The following RAB8B variants were observed in gnomAD, a reference collection of about 807,000 sequenced individuals.
The protein encoded by RAB8B is ras-related protein Rab-8B.
RAB8B carries 11 observed loss-of-function variants against 32.0 expected under a neutral mutation model. The observed-to-expected ratio is 0.34, with a 90% confidence interval of 0.22 to 0.57. The LOEUF is 0.57. Ranked by LOEUF, RAB8B falls within the 20% of genes least tolerant of loss-of-function variation. The pLI, the probability that RAB8B is intolerant of heterozygous loss-of-function variation, is 0.86. For missense variants in RAB8B, 190 were observed against 258.5 expected (o/e 0.73, Z 1.82); for synonymous variants, 103 against 89.6 (o/e 1.15, Z -0.85).
intron 1 of RAB8B, among the ~76,000 whole-genome samples, chr15:63,210,224 G>T (rs2037735979): frequency 6.6e-6 from 1 of 152,122 alleles, no homozygotes; most frequent in African/African-American, 2.4e-5. Context: ...TTTTTCCCCA[G>T]GTAAGAGGCT....
chr15:63,202,947 T>C (rs1324884047), intron 1 of RAB8B, among the ~76,000 whole-genome samples: 1 of 152,222 alleles, frequency 6.6e-6, no homozygotes, highest in Non-Finnish European at 1.5e-5. Context: ...GCTTGCCTCA[T>C]AGGGAAGTCT....
At chr15:63,220,810 T>C (rs1040353023) in intron 1 of RAB8B, among the ~76,000 whole-genome samples, 1 of 152,204 alleles carries the variant, frequency 6.6e-6, no homozygotes, top group African/African-American at 2.4e-5. Context: ...GTACTGTAAG[T>C]AAAAGATGAG....
intron 1 of RAB8B, among the ~76,000 whole-genome samples, chr15:63,199,240 C>T (rs2037628015): frequency 6.6e-6 from 1 of 152,196 alleles, no homozygotes; most frequent in African/African-American, 2.4e-5. Flanking sequence ...GGTTCAGTCT[C>T]TTTTTGCTTT....
Position 63,259,372 on chromosome 15 carries a change from G to C in RAB8B, c.415-255G>C, listed in dbSNP as rs1380105461. On this transcript the variant is annotated intron_variant, in intron 5 of 7. Transcript: ENST00000321437. This position sits in a 1 kb window ranked among gnomAD's most constrained non-coding sequence, Gnocchi z 4.4. ...CTGACCTCGTGATCCGTCTGCCTCG[G>C]CCTCCCAAAGTGCGTGAGCCACCAT... 2.6e-5 allele frequency among the ~76,000 whole-genome samples: 4 copies of C among 152,054 alleles called. No individual in the cohort carries two copies. The highest frequency in any genetic ancestry group is 9.7e-5 in the African/African-American group (4 of 41,406).
chr15:63,222,942 G>T, intron 1 of RAB8B: 1 of 369,614 alleles, frequency 2.7e-6, no homozygotes, highest in Non-Finnish European at 5.3e-6. Context: ...ATATAATTTT[G>T]GTGTAGCTTA....
At chr15:63,207,464 GA>G (rs2037708124) in intron 1 of RAB8B, among the ~76,000 whole-genome samples, 1 of 151,858 alleles carries the variant, frequency 6.6e-6, no homozygotes, top group Non-Finnish European at 1.5e-5. Flanking sequence ...ACCCTTTCAT[GA>G]ATTGTCATAT....
chr15:63,222,833 G>T (rs1188591137), intron 1 of RAB8B, among the ~76,000 whole-genome samples: 1 of 152,178 alleles, frequency 6.6e-6, no homozygotes, highest in Non-Finnish European at 1.5e-5. Context: ...GAGCCACCAT[G>T]CCCGGCCCAC....
chr15:63,219,980 C>A (rs968758009), intron 1 of RAB8B, among the ~76,000 whole-genome samples: 2 of 152,218 alleles, frequency 1.3e-5, no homozygotes, highest in Admixed American at 1.3e-4. Flanking sequence ...AACGTAGAGA[C>A]ATCCACAACA....
In RAB8B at chr15:63,235,022, G is replaced by C. The variant is rs550261070; in HGVS notation, c.125-9734G>C. Among the ~76,000 whole-genome samples, 7 of 152,248 alleles carry C rather than the reference G, an allele frequency of 4.6e-5. No homozygotes were observed. The South Asian group carries it at 1.0e-3, about 23-fold the overall frequency. On this transcript the variant is annotated intron_variant, in intron 1 of 7. Transcript: ENST00000321437. Reference sequence around the variant, plus strand: ...CCTTGCCACCCCACTTCCCTGCTCTGCCCCTCACTTTCTGAACTTGATCCA... The same window carrying C: ...CCTTGCCACCCCACTTCCCTGCTCTCCCCCTCACTTTCTGAACTTGATCCA...
chr15:63,215,200 C>A (rs1052846116), intron 1 of RAB8B, among the ~76,000 whole-genome samples: 3 of 152,234 alleles, frequency 2.0e-5, no homozygotes, highest in Non-Finnish European at 4.4e-5. Flanking sequence ...TTTTGCCTTT[C>A]CTGCATCTGA....
chr15:63,211,734 G>T (rs1174945939), intron 1 of RAB8B, among the ~76,000 whole-genome samples: 1 of 152,132 alleles, frequency 6.6e-6, no homozygotes, highest in Non-Finnish European at 1.5e-5. Flanking sequence ...ATTGCAACTA[G>T]TGACTGGTCA....
chr15:63,256,418 T>C, intron 4 of RAB8B, 87 bp from the exon 5 acceptor site: 2 of 907,220 alleles, frequency 2.2e-6, no homozygotes, highest in Non-Finnish European at 3.4e-6. Flanking sequence ...CTTATTAAAT[T>C]CATGTGTTTC....
intron 3 of RAB8B, among the ~76,000 whole-genome samples, chr15:63,252,122 T>C (rs1264858952): frequency 6.6e-6 from 1 of 151,846 alleles, no homozygotes; most frequent in Non-Finnish European, 1.5e-5. Flanking sequence ...TGTAGATATA[T>C]ACTAGATACA....
chr15:63,195,918 T>G (rs964307202), intron 1 of RAB8B, among the ~76,000 whole-genome samples: 2 of 152,180 alleles, frequency 1.3e-5, no homozygotes, highest in African/African-American at 4.8e-5. Context: ...TGTAGATTCT[T>G]ACTACCTAGG....
intron 1 of RAB8B, among the ~76,000 whole-genome samples, chr15:63,237,035 T>C (rs1567017126): frequency 6.6e-6 from 1 of 152,240 alleles, no homozygotes; most frequent in Non-Finnish European, 1.5e-5. Context: ...TCACTTAATA[T>C]AATGACCTCC....
rs1174537795 is a variant in RAB8B, at chr15:63,251,921, G to T, written c.246+2216G>T. Among the ~76,000 whole-genome samples the T allele has an allele frequency of 2.6e-5, 4 of 152,202 alleles. No individual in the cohort carries two copies. The East Asian group carries it at 7.7e-4, about 29-fold the overall frequency. ...GGTTTAGTTTGGCTGATTCAGGTAT[G>T]TGGCATGTTGACAAGCACTATACTG... On this transcript the variant is annotated intron_variant, in intron 3 of 7. Transcript: ENST00000321437.
At chr15:63,242,700 G>C (rs928312140) in intron 1 of RAB8B, among the ~76,000 whole-genome samples, 5 of 151,892 alleles carry the variant, frequency 3.3e-5, no homozygotes, top group African/African-American at 1.2e-4. Context: ...AAACAAAACT[G>C]GAGTTAATGT....
chr15:63,250,508 A>C (rs2038109141), intron 3 of RAB8B, among the ~76,000 whole-genome samples: 1 of 152,094 alleles, frequency 6.6e-6, no homozygotes, highest in Admixed American at 6.6e-5. Context: ...TATTTGCTGA[A>C]TCCAGGCATT....
intron 6 of RAB8B, among the ~76,000 whole-genome samples, chr15:63,261,954 A>G (rs577420554): frequency 2.8e-4 from 43 of 152,340 alleles, no homozygotes; most frequent in African/African-American, 1.0e-3. Flanking sequence ...CCCTGCTTCT[A>G]TTCGAACTGA....
Sources: gnomAD v4.1 joint callset for allele counts (sites outside exome capture counted in the v4.1 genomes callset) on GRCh38, gnomAD v4.1.1 for gene constraint, Gnocchi (gnomAD v3.1) non-coding constraint, MANE v1.5 for transcripts, NCBI Gene and HGNC (gene_info 2026-07-23, HGNC 2026-07-21) for gene names.